Variants in ADAMTS16 observed in about 807,000 individuals in gnomAD.
The protein encoded by ADAMTS16 is A disintegrin and metalloproteinase with thrombospondin motifs 16.
A neutral mutation model predicts 145.8 loss-of-function variants in ADAMTS16; 94 were observed. The observed-to-expected ratio is 0.64, with a 90% CI of 0.55 to 0.77. The LOEUF is 0.77. Among genes scored for constraint, ADAMTS16 ranks in the 30% least tolerant of loss-of-function variants. The probability of loss-of-function intolerance (pLI) is 0.00; values close to 1 mark genes in which losing one functional copy is unlikely to be tolerated. For synonymous variants in ADAMTS16, 659 were observed against 604.3 expected, an observed-to-expected ratio of 1.09 and a Z score of -1.33; for missense variants, 1,585 against 1,591.5, an observed-to-expected ratio of 1.00 and a Z score of 0.07.
intron 3 of ADAMTS16, among the ~76,000 whole-genome samples, chr5:5,172,587 A>G (rs1735070530): frequency 6.6e-6 from 1 of 151,836 alleles, no homozygotes; most frequent in Admixed American, 6.6e-5. Flanking sequence ...GTTTTATTTC[A>G]TTGTGGTTAG....
rs180786274 is a variant in ADAMTS16, at chr5:5,196,097, G to C, written c.1314-4035G>C. The stretch of plus-strand genomic sequence containing the variant: ...AAAAATTAGCCGAGTGTGGTGGCAG[G>C]TTCCTGTAATCCCAGCTACTCAGGA... On this transcript the variant is annotated intron_variant, in intron 8 of 22. Coordinates refer to ENST00000274181, the MANE Select transcript of ADAMTS16 (RefSeq NM_139056.4). 2.3e-3 allele frequency among the ~76,000 whole-genome samples: 354 copies of C among 152,016 alleles called. 7 individuals are homozygous for C. Among genetic ancestry groups the C allele is most frequent in the East Asian group, 0.01 (54 of 5,164 alleles).
Position 5,317,786 on chromosome 5 carries a change from C to T in ADAMTS16, c.3412-348C>T, listed in dbSNP as rs555447158. The stretch of plus-strand genomic sequence containing the variant: ...TTGAGACTATAGAATCCAACTCTAG[C>T]GGTTCAAATCCCAGCCTGAGCAAGT... On this transcript the variant is annotated intron_variant, in intron 21 of 22. Coordinates refer to ENST00000274181, the MANE Select transcript of ADAMTS16 (RefSeq NM_139056.4). This position sits in a 1 kb window ranked among gnomAD's most constrained non-coding sequence, Gnocchi z 4.5. 6.6e-6 allele frequency among the ~76,000 whole-genome samples: 1 copy of T among 152,274 alleles called. No individual in the cohort carries two copies. The highest frequency in any genetic ancestry group is 2.1e-4 in the South Asian group (1 of 4,826).
At chr5:5,218,085 G>A (rs1345166194) in intron 10 of ADAMTS16, among the ~76,000 whole-genome samples, 4 of 152,162 alleles carry the variant, frequency 2.6e-5, no homozygotes, top group African/African-American at 7.2e-5. Context: ...GTTTCATTAA[G>A]GATATAATGA....
intron 12 of ADAMTS16, among the ~76,000 whole-genome samples, chr5:5,234,631 G>A (rs545516236): frequency 5.3e-5 from 8 of 152,202 alleles, no homozygotes; most frequent in Admixed American, 4.6e-4. Context: ...CAGTACTTTG[G>A]GAGGTTGAGG....
At chr5:5,252,753 T>C (rs1737666429) in intron 17 of ADAMTS16, among the ~76,000 whole-genome samples, 2 of 152,168 alleles carry the variant, frequency 1.3e-5, no homozygotes, top group South Asian at 4.1e-4. Flanking sequence ...TCCATCAGCC[T>C]AGGTCTCTGC....
intron 17 of ADAMTS16, among the ~76,000 whole-genome samples, chr5:5,252,771 C>T (rs1737667468): frequency 6.6e-6 from 1 of 152,144 alleles, no homozygotes; most frequent in South Asian, 2.1e-4. Context: ...TGCGTGTACA[C>T]CAGGCAGTTT....
intron 3 of ADAMTS16, among the ~76,000 whole-genome samples, chr5:5,177,834 T>C (rs1245659366): frequency 6.6e-6 from 1 of 152,180 alleles, no homozygotes; most frequent in Non-Finnish European, 1.5e-5. Context: ...CAGTTACTTC[T>C]TTACTGTGTT....
At chr5:5,231,474 T>G (rs1391515318) in intron 11 of ADAMTS16, among the ~76,000 whole-genome samples, 1 of 151,786 alleles carries the variant, frequency 6.6e-6, no homozygotes, top group Non-Finnish European at 1.5e-5. Flanking sequence ...GGCTCTAATC[T>G]TGGAGATAAA....
At chr5:5,239,650 A>G in intron 15 of ADAMTS16, 31 bp from the exon 16 acceptor site, 4 of 1,606,472 alleles carry the variant, frequency 2.5e-6, no homozygotes, top group Non-Finnish European at 3.4e-6. Context: ...CTGGAATGAA[A>G]AGCTGTATCT....
intron 16 of ADAMTS16, 140 bp from the exon 17 acceptor site, chr5:5,241,913 A>T: frequency 2.9e-6 from 3 of 1,041,822 alleles, no homozygotes; most frequent in Non-Finnish European, 4.1e-6. Flanking sequence ...TAAAGTTTGG[A>T]TGATAGTCTG....
chr5:5,221,357 G>A (rs1736601283), intron 10 of ADAMTS16, among the ~76,000 whole-genome samples: 1 of 152,106 alleles, frequency 6.6e-6, no homozygotes, highest in Non-Finnish European at 1.5e-5. Flanking sequence ...ATACCCGGGT[G>A]CTCGCAGCAG....
intron 17 of ADAMTS16, among the ~76,000 whole-genome samples, chr5:5,247,358 GC>G (rs1202792306): frequency 6.7e-6 from 1 of 149,260 alleles, no homozygotes; most frequent in Non-Finnish European, 1.5e-5. Context: ...TTACCCCCCC[GC>G]CCCCCGATCC....
chr5:5,254,428 AT>A (rs1737719945), intron 17 of ADAMTS16, among the ~76,000 whole-genome samples: 1 of 152,112 alleles, frequency 6.6e-6, no homozygotes, highest in Admixed American at 6.6e-5. Flanking sequence ...TAATGGGAAT[AT>A]TTCTAATGTT....
intron 2 of ADAMTS16, among the ~76,000 whole-genome samples, 159 bp downstream of exon 2, chr5:5,140,925 C>T (rs370510125): frequency 1.8e-4 from 27 of 152,042 alleles, no homozygotes; most frequent in Admixed American, 8.5e-4. Context: ...TATGAGCGAG[C>T]CCCGATGAGT....
At chr5:5,189,040 A>G (rs1265221044) in intron 6 of ADAMTS16, among the ~76,000 whole-genome samples, 3 of 152,196 alleles carry the variant, frequency 2.0e-5, no homozygotes, top group Non-Finnish European at 4.4e-5. Flanking sequence ...TGTGTGTAGC[A>G]TTTTGCTTGG....
chr5:5,199,788 T>G (rs2126590218), intron 8 of ADAMTS16, among the ~76,000 whole-genome samples: 1 of 152,330 alleles, frequency 6.6e-6, no homozygotes, highest in East Asian at 1.9e-4. Context: ...ACGATCCTGC[T>G]GAGCAGAAAA....
intron 17 of ADAMTS16, among the ~76,000 whole-genome samples, chr5:5,254,550 T>C (rs1317528944): frequency 6.6e-6 from 1 of 152,152 alleles, no homozygotes; most frequent in Non-Finnish European, 1.5e-5. Context: ...TATTCAGATA[T>C]ATTGATGTGA....
chr5:5,150,251 G>A (rs1356477141), intron 3 of ADAMTS16, among the ~76,000 whole-genome samples: 1 of 152,152 alleles, frequency 6.6e-6, no homozygotes, highest in Non-Finnish European at 1.5e-5. Context: ...AGTATCCTTT[G>A]TGGTTCTGAT....
chr5:5,274,341 T>C (rs1374364751), intron 18 of ADAMTS16, among the ~76,000 whole-genome samples: 2 of 152,166 alleles, frequency 1.3e-5, no homozygotes, highest in Admixed American at 1.3e-4. Context: ...GCCCTGCAGA[T>C]CCTCCATGCT....
Sources: gnomAD v4.1 joint callset for allele counts (sites outside exome capture counted in the v4.1 genomes callset) on GRCh38, gnomAD v4.1.1 for gene constraint, Gnocchi (gnomAD v3.1) non-coding constraint, MANE v1.5 for transcripts, NCBI Gene and HGNC (gene_info 2026-07-23, HGNC 2026-07-21) for gene names.